The following MBP variants were observed in gnomAD, a reference collection of about 807,000 sequenced individuals.
MBP encodes Golli-MBP.
Under a neutral mutation model 35.8 loss-of-function variants are expected in MBP, and 16 were observed. That is an observed-to-expected ratio of 0.45 (90% CI 0.30 to 0.68). The LOEUF is 0.68. Among genes scored for constraint, MBP ranks in the 30% least tolerant of loss-of-function variants. The pLI is 0.08. For synonymous variants in MBP, 143 were observed against 159.6 expected (o/e 0.90, Z 0.78); for missense variants, 380 against 404.7 (o/e 0.94, Z 0.52).
intron 3 of MBP, among the ~76,000 whole-genome samples, chr18:77,033,633 A>G (rs1267018300): frequency 2.0e-5 from 3 of 151,946 alleles, no homozygotes; most frequent in Non-Finnish European, 4.4e-5. Context: ...TAGTCCACTC[A>G]TCTATTCGTC....
At chr18:77,010,892 CAG>C (rs972021569) in intron 4 of MBP, among the ~76,000 whole-genome samples, 1 of 152,088 alleles carries the variant, frequency 6.6e-6, no homozygotes, top group Non-Finnish European at 1.5e-5. Context: ...AAAATGAAGA[CAG>C]AGAGAGAAGA....
intron 2 of MBP, among the ~76,000 whole-genome samples, chr18:77,100,068 A>G (rs1012789520): frequency 7.9e-5 from 12 of 152,210 alleles, no homozygotes; most frequent in African/African-American, 2.7e-4. Flanking sequence ...ATCCTCCTGA[A>G]TCTATACGTG....
At chr18:76,980,556 ATG>A in intron 8 of MBP, 85 bp from the exon 9 acceptor site, 1 of 1,023,942 alleles carries the variant, frequency 9.8e-7, no homozygotes, top group Non-Finnish European at 1.5e-6. Flanking sequence ...TCCCGGGTGG[ATG>A]CTGAGCCATT....
chr18:77,127,881 A>C (rs1327804944), intron 1 of MBP: 1 of 152,180 alleles, frequency 6.6e-6, no homozygotes, highest in Non-Finnish European at 1.5e-5. Flanking sequence ...AAATAGTGGC[A>C]ATACCAAATG....
chr18:77,004,575 G>C (rs545344422), intron 4 of MBP: 1 of 152,288 alleles, frequency 6.6e-6, no homozygotes, highest in Admixed American at 6.5e-5. Context: ...AGAATAGCGG[G>C]CTTTTCTCTA....
intron 4 of MBP, among the ~76,000 whole-genome samples, chr18:76,996,948 T>C (rs1376192942): frequency 6.6e-6 from 1 of 152,206 alleles, no homozygotes; most frequent in Non-Finnish European, 1.5e-5. Flanking sequence ...CGTATCACTG[T>C]GCAAATTTTC....
At chr18:77,111,246 A>C (rs1407624462) in intron 1 of MBP, among the ~76,000 whole-genome samples, 1 of 152,164 alleles carries the variant, frequency 6.6e-6, no homozygotes, top group African/African-American at 2.4e-5. Context: ...TGTATTTTGG[A>C]GGTGCCATGA....
intron 2 of MBP, among the ~76,000 whole-genome samples, chr18:77,083,864 T>C (rs1975081249): frequency 6.6e-6 from 1 of 152,178 alleles, no homozygotes; most frequent in East Asian, 1.9e-4. Flanking sequence ...GAGGGATTGC[T>C]AGAAGGCACA....
At chr18:77,130,685 G>GTTT (rs71999921) in intron 1 of MBP, among the ~76,000 whole-genome samples, 2 of 146,044 alleles carry the variant, frequency 1.4e-5, no homozygotes, top group Admixed American at 6.8e-5. Context: ...TTGGTCTCTT[G>GTTT]TTTTTTTTTT....
chr18:77,121,905 T>G (rs1229674698), intron 1 of MBP, among the ~76,000 whole-genome samples: 2 of 152,162 alleles, frequency 1.3e-5, no homozygotes, highest in Non-Finnish European at 2.9e-5. Flanking sequence ...CACAACCCCA[T>G]GTAAGAGAAA....
intron 2 of MBP, among the ~76,000 whole-genome samples, chr18:77,098,331 CAG>C (rs897528118): frequency 1.3e-5 from 2 of 152,066 alleles, no homozygotes; most frequent in African/African-American, 4.8e-5. Context: ...TAAGTAAGCA[CAG>C]AGAGAGAAAG....
rs1398837482 is a variant in MBP, at chr18:76,989,891, C to G, written c.681+65G>C. 7.3e-7 allele frequency: 1 copy of G among 1,375,060 alleles called. No individual in the cohort carries two copies. The highest frequency in any genetic ancestry group is 2.3e-5 in the East Asian group (1 of 43,706). The allele number at this position is 1,375,060 out of a possible 1,614,324, so 85.2% of individuals were successfully genotyped here. ...GCGTACGAACGTCCTGTGTGGATGA[C>G]AGCAGTGGCCAGCACCCCTCCTCCC... On this transcript the variant is annotated intron_variant, in intron 5 of 8. Transcript: ENST00000355994. This position sits in a 1 kb window ranked among gnomAD's most constrained non-coding sequence, Gnocchi z 4.0.
intron 2 of MBP, among the ~76,000 whole-genome samples, chr18:77,081,933 G>C (rs1974956518): frequency 6.6e-6 from 1 of 151,368 alleles, no homozygotes; most frequent in South Asian, 2.1e-4. Flanking sequence ...CTCACTGCAA[G>C]CTCTGCCTCC....
intron 2 of MBP, among the ~76,000 whole-genome samples, chr18:77,091,259 C>G (rs969361401): frequency 5.9e-5 from 9 of 152,258 alleles, no homozygotes; most frequent in African/African-American, 1.7e-4. Context: ...GCCTGACTTA[C>G]AGTTTGTATT....
chr18:77,104,921 CCTTT>C (rs926616861), intron 2 of MBP, among the ~76,000 whole-genome samples: 1 of 151,968 alleles, frequency 6.6e-6, no homozygotes, highest in Non-Finnish European at 1.5e-5. Context: ...TTTTTTCCTC[CCTTT>C]CTTTCTTCTT....
intron 3 of MBP, among the ~76,000 whole-genome samples, chr18:77,033,774 CCATCCAT>C (rs1972633709): frequency 7.2e-6 from 1 of 138,264 alleles, no homozygotes; most frequent in African/African-American, 2.9e-5. Flanking sequence ...ATCCATCCAT[CCATCCAT>C]CCATCCATCC....
chr18:77,044,247 C>A lies in MBP; in HGVS notation c.139+22051G>T, dbSNP rs1973130526. Among the ~76,000 whole-genome samples, 1 of 152,166 alleles carries A rather than the reference C, an allele frequency of 6.6e-6. No homozygotes were observed. Among genetic ancestry groups the A allele is most frequent in the South Asian group, 2.1e-4 (1 of 4,828 alleles). On this transcript the variant is annotated intron_variant, in intron 3 of 8. Coordinates refer to ENST00000355994, the MANE Select transcript of MBP (RefSeq NM_001025101.2). This position sits in a 1 kb window ranked among gnomAD's most constrained non-coding sequence, Gnocchi z 4.4. ...CCTACTCCATGTCCCCCTGTGGATG[C>A]TGCAATGCCCAGCACCACACTGGTG...
intron 8 of MBP, 139 bp downstream of exon 8, chr18:76,984,636 G>T: frequency 2.5e-6 from 3 of 1,181,936 alleles, no homozygotes; most frequent in Non-Finnish European, 3.7e-6. Flanking sequence ...CTGAGCCCCT[G>T]CACGCCTGCT....
At chr18:77,057,468 G>T (rs1457164779) in intron 3 of MBP, among the ~76,000 whole-genome samples, 1 of 152,148 alleles carries the variant, frequency 6.6e-6, no homozygotes, top group African/African-American at 2.4e-5. Context: ...AGGCAGCCAC[G>T]GAATCACAAT....
Sources: allele counts gnomAD v4.1 joint callset (sites outside exome capture counted in the v4.1 genomes callset), GRCh38; gene constraint gnomAD v4.1.1; non-coding constraint Gnocchi (gnomAD v3.1); transcripts MANE v1.5; gene names NCBI Gene and HGNC (gene_info 2026-07-23, HGNC 2026-07-21).